The following PLCXD2 variants were observed in gnomAD, a reference collection of about 807,000 sequenced individuals.
PLCXD2 encodes the protein phosphatidylinositol specific phospholipase C X domain containing 2, also known as PI-PLC X domain-containing protein 2.
In PLCXD2, 21 loss-of-function variants were observed where a neutral mutation model predicts 28.6. The observed-to-expected ratio is 0.73, with a 90% CI of 0.52 to 1.06. PLCXD2 has a LOEUF of 1.06. PLCXD2 is among the 50% of genes least tolerant of loss of function. The pLI is 0.00. For missense variants in PLCXD2, 369 were observed against 376.7 expected (o/e 0.98, Z 0.17); for synonymous variants, 140 against 150.1 (o/e 0.93, Z 0.49).
chr3:111,723,959 A>G (rs1374780959), intron 3 of PLCXD2: 1 of 152,184 alleles, frequency 6.6e-6, no homozygotes, highest in East Asian at 1.9e-4. Flanking sequence ...GGTCATATTT[A>G]TTCTGAAATA....
In PLCXD2 at chr3:111,695,910, C is replaced by A. The variant is rs779863728; in HGVS notation, c.164-12016C>A. 1.1e-3 allele frequency among the ~76,000 whole-genome samples: 165 copies of A among 152,182 alleles called. 2 individuals are homozygous for A. Among genetic ancestry groups the A allele is most frequent in the Non-Finnish European group, 1.9e-3 (130 of 68,042 alleles). ...TTTAATAGTTTTGGACCACAGTTGA[C>A]TGTGGCTAACTGAAACTGTGGAAAT... On this transcript the variant is annotated intron_variant, in intron 1 of 4. Transcript: ENST00000477665.
chr3:111,716,125 CCCTG>C (rs1055919227), intron 3 of PLCXD2, among the ~76,000 whole-genome samples: 4 of 152,196 alleles, frequency 2.6e-5, no homozygotes, highest in South Asian at 4.1e-4. Flanking sequence ...CATCTCGCCC[CCCTG>C]CCGGCCATAA....
chr3:111,713,958 G>T lies in PLCXD2; in HGVS notation c.696G>T (p.Ala232=). The T allele has an allele frequency of 6.2e-7, 1 of 1,613,996 alleles. No individual in the cohort carries two copies. Among genetic ancestry groups the T allele is most frequent in the Non-Finnish European group, 8.5e-7 (1 of 1,180,002 alleles). The change falls in exon 3 of 5, where the codon GCG becomes GCT. Residue 232 remains alanine (A), a synonymous_variant. Coordinates refer to ENST00000477665, the MANE Select transcript of PLCXD2 (RefSeq NM_001185106.1). ...TGTGGCCAGGAAAGAAGATTCCAGCGCCCTGGGCAAACACCACAAGTGTGC... is the reference window on the plus strand; with the variant it reads ...TGTGGCCAGGAAAGAAGATTCCAGCTCCCTGGGCAAACACCACAAGTGTGC...
intron 1 of PLCXD2, among the ~76,000 whole-genome samples, chr3:111,685,914 C>T (rs1437650584): frequency 6.6e-6 from 1 of 152,130 alleles, no homozygotes; most frequent in African/African-American, 2.4e-5. Context: ...CTTTAAAATG[C>T]TCCCCCCCAC....
intron 2 of PLCXD2, among the ~76,000 whole-genome samples, chr3:111,710,655 G>A (rs768480895): frequency 2.8e-4 from 42 of 152,204 alleles, no homozygotes; most frequent in Non-Finnish European, 4.0e-4. Flanking sequence ...TTCACAACTG[G>A]TGTTGTATAT....
chr3:111,686,249 A>AC (rs1455596596), intron 1 of PLCXD2, among the ~76,000 whole-genome samples: 1 of 152,154 alleles, frequency 6.6e-6, no homozygotes, highest in Non-Finnish European at 1.5e-5. Context: ...ACCAAGACAG[A>AC]CTTTTTTAAT....
intron 1 of PLCXD2, among the ~76,000 whole-genome samples, chr3:111,683,142 AT>A (rs753242135): frequency 2.0e-5 from 3 of 152,316 alleles, no homozygotes; most frequent in Non-Finnish European, 2.9e-5. Flanking sequence ...CCAATACCCA[AT>A]TCTGTTACTG....
At chr3:111,703,546 C>T (rs568477805) in intron 1 of PLCXD2, among the ~76,000 whole-genome samples, 1 of 152,318 alleles carries the variant, frequency 6.6e-6, no homozygotes, top group South Asian at 2.1e-4. Context: ...TGGATAATGG[C>T]TATTCCCTAA....
At chr3:111,682,507 C>A (rs1394102192) in intron 1 of PLCXD2, among the ~76,000 whole-genome samples, 1 of 151,990 alleles carries the variant, frequency 6.6e-6, no homozygotes, top group Non-Finnish European at 1.5e-5. Context: ...TCTGTTCAGA[C>A]CTGACAAGAT....
chr3:111,675,388 T>C lies in PLCXD2; in HGVS notation c.143T>C (p.Leu48Pro), dbSNP rs765006249. The change falls in exon 1 of 5, where the codon CTT (leucine) becomes CCT (proline). Residue 48 changes from leucine (L) to proline (P), a missense_variant. Leu to Pro is a moderately conservative substitution (Grantham distance 98). Transcript: ENST00000477665. ...CCCCCTCACCTCCACAACCTCCCCC[T>C]TTCCAATCTGGCAATCCCAGGTATT... 6.2e-7 allele frequency: 1 copy of C among 1,614,120 alleles called. No homozygotes were observed. Among genetic ancestry groups the C allele is most frequent in the Non-Finnish European group, 8.5e-7 (1 of 1,180,000 alleles).
At position 111,675,204 on chromosome 3, in the gene PLCXD2, A is replaced by C. The variant is rs1430870585; in HGVS notation, c.-42A>C. 1.3e-6 allele frequency: 2 copies of C among 1,592,274 alleles called. No homozygotes were observed. Among genetic ancestry groups the C allele is most frequent in the Admixed American group, 1.7e-5 (1 of 58,776 alleles). ...CCCAAGAAGTGATGATCACTGAGTG[A>C]GTGGCACTGGGCTGAGACTGGCCAG... On this transcript the variant is annotated 5_prime_UTR_variant, in exon 1 of 5. It removes the in-frame stop codon of an upstream open reading frame in the 5' UTR. Coordinates refer to ENST00000477665, the MANE Select transcript of PLCXD2 (RefSeq NM_001185106.1).
intron 1 of PLCXD2, among the ~76,000 whole-genome samples, chr3:111,698,886 A>G (rs969449686): frequency 3.9e-5 from 6 of 152,210 alleles, no homozygotes; most frequent in Non-Finnish European, 8.8e-5. Context: ...CTGTGAAATT[A>G]TAACACTCAG....
chr3:111,722,307 C>T (rs1331804451), intron 3 of PLCXD2: 1 of 152,076 alleles, frequency 6.6e-6, no homozygotes, highest in Non-Finnish European at 1.5e-5. Context: ...CTGCTATGGT[C>T]TTTCTGTCCT....
At chr3:111,710,381 G>T (rs377520573) in intron 2 of PLCXD2, among the ~76,000 whole-genome samples, 20 of 152,158 alleles carry the variant, frequency 1.3e-4, no homozygotes, top group Middle Eastern at 3.4e-3. Flanking sequence ...AATGTTTATT[G>T]AACCTTTACA....
intron 3 of PLCXD2, chr3:111,720,801 C>T (rs376707699): frequency 4.8e-6 from 2 of 416,744 alleles, no homozygotes; most frequent in South Asian, 1.3e-4. Flanking sequence ...CATCTGACTT[C>T]GTGGACCTGG....
intron 2 of PLCXD2, among the ~76,000 whole-genome samples, chr3:111,713,011 G>A (rs1414175697): frequency 6.6e-6 from 1 of 152,170 alleles, no homozygotes; most frequent in Non-Finnish European, 1.5e-5. Flanking sequence ...AGTCTCCCCT[G>A]ACTCAAGTGG....
intron 3 of PLCXD2, among the ~76,000 whole-genome samples, chr3:111,720,061 A>G (rs901313032): frequency 6.6e-6 from 1 of 152,206 alleles, no homozygotes; most frequent in Non-Finnish European, 1.5e-5. Context: ...GATATGTGGT[A>G]AGCAAGTATA....
chr3:111,685,224 T>G (rs1940777066), intron 1 of PLCXD2, among the ~76,000 whole-genome samples: 1 of 152,246 alleles, frequency 6.6e-6, no homozygotes, highest in African/African-American at 2.4e-5. Flanking sequence ...AATTTAAAGC[T>G]GATATCCTCA....
chr3:111,684,344 A>AG (rs1416846229), intron 1 of PLCXD2, among the ~76,000 whole-genome samples: 1 of 151,612 alleles, frequency 6.6e-6, no homozygotes, highest in Non-Finnish European at 1.5e-5. Context: ...AAAAAAAAAA[A>AG]AAGGCATGTT....
Sources: gnomAD v4.1 joint callset for allele counts (sites outside exome capture counted in the v4.1 genomes callset) on GRCh38, gnomAD v4.1.1 for gene constraint, MANE v1.5 for transcripts, NCBI Gene and HGNC (gene_info 2026-07-23, HGNC 2026-07-21) for gene names.